Variants in PIGF observed in about 807,000 individuals in gnomAD.
PIGF encodes the protein phosphatidylinositol glycan anchor biosynthesis class F.
In PIGF, 23 loss-of-function variants were observed where a neutral mutation model predicts 26.0. The ratio of observed to expected loss-of-function variants is 0.88; its 90% CI spans 0.64 to 1.25. The LOEUF (loss-of-function observed/expected upper bound fraction) is 1.25. Among genes scored for constraint, PIGF ranks in the 50% most tolerant of loss-of-function variants. The pLI is 0.00. For missense variants in PIGF, 278 were observed against 249.9 expected (o/e 1.11, Z -0.76); for synonymous variants, 93 against 92.6 (o/e 1.00, Z -0.03).
chr2:46,601,567 C>T (rs565983083), intron 4 of PIGF, among the ~76,000 whole-genome samples: 1 of 152,158 alleles, frequency 6.6e-6, no homozygotes, highest in East Asian at 1.9e-4. Flanking sequence ...CTCCTAGTGG[C>T]TAAAGGTATT....
At chr2:46,591,212 T>C (rs1669713547) in intron 5 of PIGF, among the ~76,000 whole-genome samples, 1 of 152,134 alleles carries the variant, frequency 6.6e-6, no homozygotes, top group South Asian at 2.1e-4. Context: ...ATATTACATA[T>C]ATGTAAGTTT....
At chr2:46,585,618 T>C (rs1669545149) in intron 5 of PIGF, among the ~76,000 whole-genome samples, 1 of 152,214 alleles carries the variant, frequency 6.6e-6, no homozygotes, top group Non-Finnish European at 1.5e-5. Flanking sequence ...TATTACATGT[T>C]TTAACTTGAA....
intron 4 of PIGF, among the ~76,000 whole-genome samples, chr2:46,593,253 C>T (rs1371192295): frequency 6.6e-6 from 1 of 151,684 alleles, no homozygotes; most frequent in East Asian, 1.9e-4. Flanking sequence ...CTGCCTCAGA[C>T]TCCTGAGTAG....
intron 4 of PIGF, among the ~76,000 whole-genome samples, chr2:46,608,248 C>T (rs1051585575): frequency 6.6e-6 from 1 of 152,186 alleles, no homozygotes; most frequent in Non-Finnish European, 1.5e-5. Flanking sequence ...CAGTAGATTC[C>T]ATCTCAGGAG....
intron 4 of PIGF, among the ~76,000 whole-genome samples, chr2:46,595,425 T>C (rs990403997): frequency 3.9e-5 from 6 of 152,270 alleles, no homozygotes; most frequent in African/African-American, 1.4e-4. Context: ...TTGCAGCATG[T>C]ATCAATATTT....
At chr2:46,590,251 C>G (rs1188060882) in intron 5 of PIGF, among the ~76,000 whole-genome samples, 2 of 151,966 alleles carry the variant, frequency 1.3e-5, no homozygotes, top group Non-Finnish European at 2.9e-5. Context: ...AAAGTAATAC[C>G]ATCAATTTGG....
chr2:46,616,905 G>C, intron 1 of PIGF, 65 bp downstream of exon 1: 1 of 389,446 alleles, frequency 2.6e-6, no homozygotes. Context: ...GGGCTGCTTC[G>C]GCAATTCGCG....
At chr2:46,616,723 G>C (rs1174168294) in intron 1 of PIGF, 1 of 157,100 alleles carries the variant, frequency 6.4e-6, no homozygotes. Context: ...AGCGTGGGCA[G>C]CGAGGAACCA....
At chr2:46,594,219 T>C (rs764811434) in intron 4 of PIGF, among the ~76,000 whole-genome samples, 1 of 152,234 alleles carries the variant, frequency 6.6e-6, no homozygotes, top group Non-Finnish European at 1.5e-5. Flanking sequence ...TTTGACTACA[T>C]GTGGCTGACA....
Position 46,588,007 on chromosome 2 carries a change from A to G in PIGF, c.546+4468T>C. ...CCCTCTTCCCACCTGAGTAATGCTA[A>G]GCAAGATGTGTACTCCTCCCCTCTC... On this transcript the variant is annotated intron_variant, in intron 5 of 5. Coordinates refer to ENST00000281382, the MANE Select transcript of PIGF (RefSeq NM_002643.4). The surrounding 1 kb of genome is among the most constrained non-coding windows in gnomAD (Gnocchi z 4.1). 7.4e-7 allele frequency: 1 copy of G among 1,352,114 alleles called. No individual in the cohort carries two copies. Among genetic ancestry groups the G allele is most frequent in the Non-Finnish European group, 9.8e-7 (1 of 1,024,710 alleles). The allele number at this position is 1,352,114 out of a possible 1,614,324, so 83.8% of individuals were successfully genotyped here.
At chr2:46,616,804 G>T (rs1236054816) in intron 1 of PIGF, 166 bp downstream of exon 1, 19 of 191,900 alleles carry the variant, frequency 9.9e-5, no homozygotes. Flanking sequence ...GCGAAAACTC[G>T]GATCCGAAAG....
intron 4 of PIGF, among the ~76,000 whole-genome samples, chr2:46,606,312 G>A (rs377374699): frequency 3.3e-5 from 5 of 152,218 alleles, no homozygotes; most frequent in East Asian, 1.9e-4. Context: ...AGAAATATAC[G>A]TGTATCTGTG....
intron 4 of PIGF, among the ~76,000 whole-genome samples, chr2:46,604,817 C>T (rs1670168126): frequency 6.6e-6 from 1 of 151,382 alleles, no homozygotes; most frequent in Non-Finnish European, 1.5e-5. Flanking sequence ...TGACTATAGT[C>T]AATAATAATT....
chr2:46,582,859 T>C (rs1669445450), intron 5 of PIGF: 1 of 152,596 alleles, frequency 6.6e-6, no homozygotes, highest in Non-Finnish European at 1.5e-5. Context: ...GAGAGTCTAC[T>C]GGATGACTGG....
At position 46,614,939 on chromosome 2, in the gene PIGF, T is replaced by C. The variant is rs748910968; in HGVS notation, c.226A>G (p.Lys76Glu). Reference protein sequence around the residue: ...TSSKRSSLSHKVTGFLKCCIY... With the variant: ...TSSKRSSLSHEVTGFLKCCIY... ...AGTTATTGAGACATAAGCCTTACCT[T>C]GTGTGATAATGAACTTCTTTTAGAG... Residue 76 changes from lysine to glutamate, a missense_variant and splice_region_variant, in exon 2 of 6, where the codon AAG becomes GAG. Lys to Glu is a moderately conservative substitution (Grantham distance 56). Coordinates refer to ENST00000281382, the MANE Select transcript of PIGF (RefSeq NM_002643.4). The C allele has an allele frequency of 2.2e-6, 3 of 1,390,816 alleles. No individual in the cohort carries two copies. The highest frequency in any genetic ancestry group is 3.1e-6 in the Non-Finnish European group (3 of 976,824). 86.2% of individuals were successfully genotyped at this position (1,390,816 alleles called of 1,614,324 possible). A position where few individuals can be genotyped will look rare whatever the true frequency, so the allele number is the denominator to read the frequency against.
intron 1 of PIGF, chr2:46,616,050 CG>C (rs1558714678): frequency 2.3e-5 from 1 of 43,300 alleles, no homozygotes; most frequent in African/African-American, 2.3e-4. Flanking sequence ...CACACGCACA[CG>C]CGCGCGCGCG....
At chr2:46,610,001 G>A (rs753966741) in intron 4 of PIGF, among the ~76,000 whole-genome samples, 4 of 152,200 alleles carry the variant, frequency 2.6e-5, no homozygotes, top group Admixed American at 6.5e-5. Flanking sequence ...AACAGTATCT[G>A]ATCTGAGCAA....
intron 4 of PIGF, among the ~76,000 whole-genome samples, chr2:46,605,125 T>C (rs1670178475): frequency 6.6e-6 from 1 of 152,106 alleles, no homozygotes; most frequent in African/African-American, 2.4e-5. Flanking sequence ...ACCATAGATC[T>C]TTGAGTTTTT....
rs1205331596 is a variant in PIGF, at chr2:46,588,279, C to A, written c.546+4196G>T. 2 of 1,452,512 alleles carry A rather than the reference C, an allele frequency of 1.4e-6. No homozygotes were observed. The highest frequency in any genetic ancestry group is 2.5e-5 in the East Asian group (1 of 40,514). The allele number at this position is 1,452,512 out of a possible 1,614,324, so 90.0% of individuals were successfully genotyped here. On this transcript the variant is annotated intron_variant, in intron 5 of 5. Coordinates refer to ENST00000281382, the MANE Select transcript of PIGF (RefSeq NM_002643.4). This position sits in a 1 kb window ranked among gnomAD's most constrained non-coding sequence, Gnocchi z 4.1. ...ATAGATAAATTAACAGTCCACTCTA[C>A]CAACTGAAAGACTGCTGGGCAGAAA...
Sources: gnomAD v4.1 joint callset for allele counts (sites outside exome capture counted in the v4.1 genomes callset) on GRCh38, gnomAD v4.1.1 for gene constraint, Gnocchi (gnomAD v3.1) non-coding constraint, MANE v1.5 for transcripts, NCBI Gene and HGNC (gene_info 2026-07-23, HGNC 2026-07-21) for gene names.